MYBPC1: variants seen among roughly 807,000 people sequenced by gnomAD.
MYBPC1 encodes the protein myosin binding protein C1.
Under a neutral mutation model 147.1 loss-of-function variants are expected in MYBPC1, and 52 were observed. The observed-to-expected ratio is 0.35, with a 90% CI of 0.28 to 0.45. The LOEUF (loss-of-function observed/expected upper bound fraction) is 0.45. MYBPC1 is among the 20% of genes least tolerant of loss of function. MYBPC1 has a pLI of 1.00. For synonymous variants in MYBPC1, 477 were observed against 475.9 expected, an observed-to-expected ratio of 1.00 and a Z score of -0.03; for missense variants, 1,228 against 1,440.3, an observed-to-expected ratio of 0.85 and a Z score of 2.39.
rs1304760126 is a variant in MYBPC1 at position 101,673,614 on chromosome 12, A to G, written c.2801A>G (p.Gln934Arg). The G allele has an allele frequency of 6.2e-7, 1 of 1,614,170 alleles. No individual in the cohort carries two copies. Among genetic ancestry groups the G allele is most frequent in the East Asian group, 2.2e-5 (1 of 44,880 alleles). Residue 934 changes from glutamine (Q) to arginine (R), a missense_variant, in exon 25 of 32, where the codon CAG (glutamine) becomes CGG (arginine). Gln to Arg is a conservative substitution (Grantham distance 43). This residue lies in a region of MYBPC1 where 1,077 missense variants were observed against 1,314.2 expected (regional missense o/e 0.82). Transcript: ENST00000361466. ...GTGGAGACCGCATCAATTGACATCC[A>G]GATCATTGGTAGGTTTAGATGAAGG... ...KFVETASIDI[Q>R]IIDRPGPPQI...
intron 9 of MYBPC1, among the ~76,000 whole-genome samples, chr12:101,636,365 G>C (rs1462517570): frequency 2.0e-5 from 3 of 152,174 alleles, no homozygotes; most frequent in Non-Finnish European, 4.4e-5. Flanking sequence ...AGTACTTTGT[G>C]TTGCTTGGCT....
chr12:101,664,716 C>T (rs986509041), intron 22 of MYBPC1: 6 of 152,128 alleles, frequency 3.9e-5, no homozygotes, highest in Non-Finnish European at 5.9e-5. Flanking sequence ...CCCCTCAATC[C>T]CTCTTGCACC....
intron 1 of MYBPC1, among the ~76,000 whole-genome samples, chr12:101,596,102 T>A (rs1244737598): frequency 6.6e-6 from 1 of 152,222 alleles, no homozygotes; most frequent in African/African-American, 2.4e-5. Flanking sequence ...AGTTTTCAGT[T>A]TTTAATTCTT....
intron 1 of MYBPC1, among the ~76,000 whole-genome samples, chr12:101,600,710 CTA>C (rs768018398): frequency 1.1e-4 from 16 of 152,204 alleles, no homozygotes; most frequent in Middle Eastern, 3.4e-3. Flanking sequence ...TTAATAATGA[CTA>C]TTTTTATCTT....
In MYBPC1 at chr12:101,642,534, G is replaced by T; in HGVS notation, c.781G>T (p.Gly261Cys). 6.2e-7 allele frequency: 1 copy of T among 1,613,510 alleles called. No individual in the cohort carries two copies. The highest frequency in any genetic ancestry group is 8.5e-7 in the Non-Finnish European group (1 of 1,179,786). The change falls in exon 11 of 32, where the codon GGC (glycine) becomes TGC (cysteine). Residue 261 changes from glycine (G) to cysteine (C), a missense_variant. Transcript: ENST00000361466. ...AFQYGITDLR[G>C]MLKRLKRMRR... ...CCAGTATGGAATCACCGACCTGCGC[G>T]GCATGCTCAAGCGACTCAAGCGCAT...
Position 101,685,973 on chromosome 12 carries a change from A to G in MYBPC1, c.*411A>G. ...CAAAAGCAGTTATTTTTGTTTACAT[A>G]GTAGGCTATAAATGCTTTTTTTTTC... On this transcript the variant is annotated 3_prime_UTR_variant, in exon 32 of 32. Coordinates refer to ENST00000361466, the MANE Select transcript of MYBPC1 (RefSeq NM_002465.4). 2 of 201,556 alleles carry G rather than the reference A, an allele frequency of 9.9e-6. No individual in the cohort carries two copies. The highest frequency in any genetic ancestry group is 2.0e-5 in the Non-Finnish European group (2 of 101,424). The allele number at this position is 201,556 out of a possible 1,614,324, so 12.5% of individuals were successfully genotyped here.
intron 8 of MYBPC1, among the ~76,000 whole-genome samples, chr12:101,633,679 T>C (rs1890391123): frequency 6.7e-6 from 1 of 148,414 alleles, no homozygotes. Context: ...AGAGTGAGAC[T>C]CCGTCTCAAC....
At position 101,627,781 on chromosome 12, in the gene MYBPC1, G is replaced by C. The variant is rs373356488; in HGVS notation, c.155G>C (p.Arg52Pro). The C allele has an allele frequency of 2.5e-6, 4 of 1,613,632 alleles. No homozygotes were observed. The highest frequency in any genetic ancestry group is 4.5e-5 in the East Asian group (2 of 44,858). The change falls in exon 5 of 32, where the codon CGG (arginine) becomes CCG (proline). Residue 52 changes from arginine to proline, a missense_variant. Around this residue, in one of 2 missense-constraint regions of MYBPC1, gnomAD observed 151 missense variants for 126.1 expected, o/e 1.20. Coordinates refer to ENST00000361466, the MANE Select transcript of MYBPC1 (RefSeq NM_002465.4). ...PSALPPGLGS[R>P]ALERKDSDWT... ...ACTTTCCTTTCAGGTTTGGGTAGTC[G>C]GGCCCTGGAGAGAAAAGATTCAGGT...
intron 8 of MYBPC1, 104 bp from the exon 9 acceptor site, chr12:101,634,450 C>A: frequency 1.1e-6 from 1 of 940,106 alleles, no homozygotes; most frequent in Non-Finnish European, 1.7e-6. Flanking sequence ...CCCCCCTTCA[C>A]CTGACATTCT....
rs1253220361 is a variant in MYBPC1, at chr12:101,629,376, G to A, written c.179-58G>A. 4 of 1,175,802 alleles carry A rather than the reference G, an allele frequency of 3.4e-6. No individual in the cohort carries two copies. The African/African-American group carries it at 4.5e-5, about 13-fold the overall frequency. 72.8% of individuals were successfully genotyped at this position (1,175,802 alleles called of 1,614,324 possible). On this transcript the variant is annotated intron_variant, in intron 5 of 31. Transcript: ENST00000361466. The stretch of plus-strand genomic sequence containing the variant: ...TGGTGAGAACAACAAATCCAGGTAA[G>A]ACTGCCTAAGAAGAGCCTGGCCCTG...
At chr12:101,608,669 G>T (rs763979770) in intron 1 of MYBPC1, among the ~76,000 whole-genome samples, 1 of 152,218 alleles carries the variant, frequency 6.6e-6, no homozygotes, top group African/African-American at 2.4e-5. Flanking sequence ...GGTGGGACAG[G>T]TTCCTCGACA....
At chr12:101,614,959 C>T (rs1885494596) in intron 2 of MYBPC1, 1 of 259,474 alleles carries the variant, frequency 3.9e-6, no homozygotes, top group Non-Finnish European at 7.5e-6. Flanking sequence ...GCTGTCCCTT[C>T]TCAACTTGAC....
chr12:101,617,981 A>C (rs1358055155), intron 3 of MYBPC1, among the ~76,000 whole-genome samples: 1 of 152,206 alleles, frequency 6.6e-6, no homozygotes, highest in Non-Finnish European at 1.5e-5. Context: ...GGTGGATTAG[A>C]CAGCTTTGCT....
intron 26 of MYBPC1, among the ~76,000 whole-genome samples, chr12:101,676,725 T>C (rs1010414554): frequency 3.9e-5 from 6 of 151,904 alleles, no homozygotes; most frequent in Admixed American, 1.3e-4. Context: ...CACTCCAGCC[T>C]GGGTGACAGA....
chr12:101,617,244 G>A lies in MYBPC1; in HGVS notation c.103+1G>A, dbSNP rs113428265. 3 of 1,613,636 alleles carry A rather than the reference G, an allele frequency of 1.9e-6. No homozygotes were observed. Among genetic ancestry groups the A allele is most frequent in the Admixed American group, 1.7e-5 (1 of 59,920 alleles). On this transcript the variant is annotated splice_donor_variant, in intron 3 of 31. Transcript: ENST00000361466. LOFTEE classifies it high-confidence loss of function. Reference sequence around the variant, plus strand: ...GAGGCCGGAACTACACCAGCAAAAGGTGAGTTGGAGGGAGGGAGAGTGAGG... The same window carrying A: ...GAGGCCGGAACTACACCAGCAAAAGATGAGTTGGAGGGAGGGAGAGTGAGG...
At chr12:101,606,303 A>G (rs1376596944) in intron 1 of MYBPC1, among the ~76,000 whole-genome samples, 2 of 152,040 alleles carry the variant, frequency 1.3e-5, no homozygotes, top group Non-Finnish European at 2.9e-5. Flanking sequence ...TATCCTCTGG[A>G]AAACTTCACT....
At chr12:101,641,137 A>AGGC in intron 10 of MYBPC1, among the ~76,000 whole-genome samples, 1 of 151,176 alleles carries the variant, frequency 6.6e-6, no homozygotes, top group African/African-American at 2.4e-5. Flanking sequence ...AAAAAAAAGA[A>AGGC]GGCACTCTGA....
chr12:101,670,266 G>C (rs1487732290), intron 23 of MYBPC1, 55 bp from the exon 24 acceptor site: 14 of 1,452,390 alleles, frequency 9.6e-6, no homozygotes, highest in Non-Finnish European at 1.4e-5. Flanking sequence ...CTTTTGTAAG[G>C]CTATTTTCAG....
intron 1 of MYBPC1, among the ~76,000 whole-genome samples, chr12:101,608,313 A>AT (rs1458931389): frequency 6.6e-6 from 1 of 152,130 alleles, no homozygotes; most frequent in Non-Finnish European, 1.5e-5. Flanking sequence ...CCTTGGGCTT[A>AT]TTTTTTTCAA....
Sources: allele counts gnomAD v4.1 joint callset (sites outside exome capture counted in the v4.1 genomes callset), GRCh38; gene constraint gnomAD v4.1.1; regional missense constraint gnomAD v4.1.1; transcripts MANE v1.5; gene names NCBI Gene and HGNC (gene_info 2026-07-23, HGNC 2026-07-21).